PREX2: variants seen among roughly 807,000 people sequenced by gnomAD.
PREX2 encodes the protein phosphatidylinositol-3,4,5-trisphosphate dependent Rac exchange factor 2.
PREX2 carries 107 observed loss-of-function variants against 203.2 expected under a neutral mutation model. The ratio of observed to expected loss-of-function variants is 0.53; its 90% CI spans 0.45 to 0.62. The LOEUF is 0.62. PREX2 is among the 20% of genes least tolerant of loss of function. PREX2 has a pLI of 0.00. For missense variants in PREX2, 1,777 were observed against 1,955.9 expected (o/e 0.91, Z 1.72); for synonymous variants, 672 against 663.6 (o/e 1.01, Z -0.19).
chr8:68,090,452 G>A (rs1232584186), intron 19 of PREX2, 127 bp from the exon 20 acceptor site: 5 of 810,318 alleles, frequency 6.2e-6, no homozygotes, highest in Non-Finnish European at 7.4e-6. Flanking sequence ...TCAGAACCAA[G>A]TTTATCAAGA....
At chr8:68,097,447 C>A (rs893109688) in intron 22 of PREX2, among the ~76,000 whole-genome samples, 1 of 152,042 alleles carries the variant, frequency 6.6e-6, no homozygotes, top group East Asian at 1.9e-4. Context: ...GCCTCAGTCT[C>A]CCAAGTAGCT....
chr8:68,119,982 G>A (rs148574869), intron 28 of PREX2, among the ~76,000 whole-genome samples: 8 of 152,010 alleles, frequency 5.3e-5, no homozygotes, highest in African/African-American at 1.9e-4. Context: ...TTTATATTTT[G>A]TGTTAATATA....
chr8:68,053,890 G>T (rs1808596887), intron 9 of PREX2, among the ~76,000 whole-genome samples: 1 of 152,106 alleles, frequency 6.6e-6, no homozygotes, highest in Non-Finnish European at 1.5e-5. Flanking sequence ...ATTTGGCCTG[G>T]CTGTATTCAC....
chr8:68,019,575 C>A lies in PREX2; in HGVS notation c.240C>A (p.Ile80=). Residue 80 remains isoleucine, a synonymous_variant, in exon 3 of 40, where the codon ATC becomes ATA. Transcript: ENST00000288368. ...TGTTGTTCTCAAACATTGAAGACAT[C>A]CTTGCAGTACATAAAGAATTCTTAA... ...VKMLFSNIED[I]LAVHKEFLKV... 1 of 1,612,338 alleles carries A rather than the reference C, an allele frequency of 6.2e-7. No individual in the cohort carries two copies. Among genetic ancestry groups the A allele is most frequent in the Non-Finnish European group, 8.5e-7 (1 of 1,178,874 alleles).
intron 32 of PREX2, among the ~76,000 whole-genome samples, chr8:68,137,094 CAG>C (rs1354686101): frequency 1.3e-5 from 2 of 151,898 alleles, no homozygotes; most frequent in African/African-American, 2.4e-5. Context: ...TTAGTAGAGA[CAG>C]GGTTTCACCA....
chr8:68,098,070 T>G (rs1810138928), intron 22 of PREX2, among the ~76,000 whole-genome samples: 1 of 152,150 alleles, frequency 6.6e-6, no homozygotes, highest in Admixed American at 6.5e-5. Context: ...AAGGGAGCCT[T>G]TATCCAAATT....
At chr8:68,060,871 A>G in intron 11 of PREX2, 92 bp downstream of exon 11, 1 of 801,604 alleles carries the variant, frequency 1.2e-6, no homozygotes, top group Non-Finnish European at 2.0e-6. Flanking sequence ...AATTCCCCAC[A>G]TTATAGGATG....
intron 7 of PREX2, among the ~76,000 whole-genome samples, chr8:68,039,067 C>T (rs1367170647): frequency 1.3e-5 from 2 of 152,170 alleles, no homozygotes; most frequent in Non-Finnish European, 2.9e-5. Flanking sequence ...ATTCTGACTC[C>T]AAACATTGTC....
chr8:67,962,446 G>A (rs1805656571), intron 1 of PREX2, among the ~76,000 whole-genome samples: 1 of 152,004 alleles, frequency 6.6e-6, no homozygotes, highest in Non-Finnish European at 1.5e-5. Context: ...TGACCTAAAT[G>A]TTAGTCCCGC....
chr8:68,175,484 T>C (rs192382735), intron 35 of PREX2, among the ~76,000 whole-genome samples: 25 of 152,216 alleles, frequency 1.6e-4, no homozygotes, highest in Non-Finnish European at 1.3e-4. Flanking sequence ...GAGCCAGAGA[T>C]ACTGGTTAGG....
intron 24 of PREX2, among the ~76,000 whole-genome samples, chr8:68,108,656 C>T (rs111551697): frequency 6.6e-6 from 1 of 152,294 alleles, no homozygotes; most frequent in African/African-American, 2.4e-5. Flanking sequence ...ACCTGAGGAA[C>T]AGCTGCAGCA....
At chr8:68,209,395 G>A (rs1253043604) in intron 37 of PREX2, among the ~76,000 whole-genome samples, 1 of 151,956 alleles carries the variant, frequency 6.6e-6, no homozygotes, top group Non-Finnish European at 1.5e-5. Context: ...ATAAAGTAGG[G>A]GAAATGATTT....
chr8:68,164,739 C>T (rs556027658), intron 35 of PREX2, among the ~76,000 whole-genome samples: 8 of 151,850 alleles, frequency 5.3e-5, no homozygotes, highest in Admixed American at 3.9e-4. Context: ...TGTGCCACCA[C>T]GCCAGGCTAA....
intron 37 of PREX2, among the ~76,000 whole-genome samples, chr8:68,204,937 T>A (rs1812587116): frequency 6.6e-6 from 1 of 151,994 alleles, no homozygotes; most frequent in Non-Finnish European, 1.5e-5. Flanking sequence ...CGCCTCGGCC[T>A]CCCAAAGTGC....
chr8:67,986,694 G>A (rs1217848619), intron 1 of PREX2, among the ~76,000 whole-genome samples: 1 of 152,112 alleles, frequency 6.6e-6, no homozygotes, highest in Non-Finnish European at 1.5e-5. Context: ...CCTTTCTTTC[G>A]AGAACCTTAT....
chr8:68,047,622 A>G (rs577229530), intron 8 of PREX2, among the ~76,000 whole-genome samples: 201 of 150,724 alleles, frequency 1.3e-3, no homozygotes, highest in African/African-American at 4.5e-3. Flanking sequence ...CTGGACTTGA[A>G]CCCATGATTC....
At chr8:68,218,780 T>C (rs941660319) in intron 38 of PREX2, among the ~76,000 whole-genome samples, 2 of 152,124 alleles carry the variant, frequency 1.3e-5, no homozygotes, top group Non-Finnish European at 2.9e-5. Context: ...AGAGAGCATA[T>C]ACATTGGTAC....
chr8:67,989,451 C>T (rs995579902), intron 1 of PREX2, among the ~76,000 whole-genome samples: 2 of 152,138 alleles, frequency 1.3e-5, no homozygotes, highest in African/African-American at 2.4e-5. Flanking sequence ...ATCTTCTCAA[C>T]ATTGAATGAA....
intron 12 of PREX2, among the ~76,000 whole-genome samples, chr8:68,069,403 C>A (rs757526266): frequency 1.9e-4 from 29 of 151,036 alleles, no homozygotes; most frequent in Admixed American, 5.9e-4. Flanking sequence ...TTACATGTAG[C>A]AACATGTTGT....
Sources: gnomAD v4.1 joint callset for allele counts (sites outside exome capture counted in the v4.1 genomes callset) on GRCh38, gnomAD v4.1.1 for gene constraint, MANE v1.5 for transcripts, NCBI Gene and HGNC (gene_info 2026-07-23, HGNC 2026-07-21) for gene names.